The following CALN1 variants were observed in gnomAD, a reference collection of about 807,000 sequenced individuals.
The protein encoded by CALN1 is calcium-binding protein 8.
A neutral mutation model predicts 30.6 loss-of-function variants in CALN1; 17 were observed. The observed-to-expected ratio is 0.56, with a 90% CI of 0.38 to 0.83. The LOEUF is 0.83. Among genes scored for constraint, CALN1 ranks in the 40% least tolerant of loss-of-function variants. The pLI, the probability that CALN1 is intolerant of heterozygous loss-of-function variation, is 0.00. For synonymous variants in CALN1, 156 were observed against 131.4 expected (o/e 1.19, Z -1.28); for missense variants, 291 against 354.9 (o/e 0.82, Z 1.45).
intron 4 of CALN1, among the ~76,000 whole-genome samples, chr7:72,038,272 C>T (rs1036920592): frequency 1.3e-5 from 2 of 152,164 alleles, no homozygotes; most frequent in South Asian, 2.1e-4. Flanking sequence ...TACCCCACCC[C>T]CAAAGCTTCT....
intron 3 of CALN1, among the ~76,000 whole-genome samples, chr7:72,177,752 G>GGGAA (rs397729652): frequency 1.5e-5 from 2 of 132,152 alleles, no homozygotes; most frequent in Admixed American, 8.0e-5. Flanking sequence ...GCGACAGAGG[G>GGGAA]AAAAAAAAAA....
intron 2 of CALN1, among the ~76,000 whole-genome samples, chr7:72,298,831 G>A (rs1335887690): frequency 6.6e-6 from 1 of 150,448 alleles, no homozygotes; most frequent in African/African-American, 2.4e-5. Context: ...GGGGAGGGGT[G>A]CGGAGTTTCC....
chr7:72,197,621 G>T (rs900002061), intron 3 of CALN1, among the ~76,000 whole-genome samples: 2 of 152,114 alleles, frequency 1.3e-5, no homozygotes, highest in Admixed American at 6.6e-5. Context: ...CTTGAAGCCA[G>T]GAGTTCAAGA....
intron 3 of CALN1, among the ~76,000 whole-genome samples, chr7:72,205,551 A>AAAAATATACATATATATATATAT: frequency 7.2e-5 from 6 of 83,036 alleles, no homozygotes; most frequent in Middle Eastern, 5.2e-3. Context: ...GCAAAAAAAA[A>AAAAATATACATATATATATATAT]ATATATATAT....
At chr7:72,448,352 G>T (rs937519929), upstream of CALN1, among the ~76,000 whole-genome samples, 2 of 152,136 alleles carry the variant, frequency 1.3e-5, no homozygotes, top group African/African-American at 4.8e-5. Flanking sequence ...TGGCATCTCC[G>T]GCTGCCTTTG....
the CALN1 span, among the ~76,000 whole-genome samples, chr7:72,453,255 T>C: frequency 6.6e-6 from 1 of 152,214 alleles, no homozygotes; most frequent in Non-Finnish European, 1.5e-5. Flanking sequence ...GAAGGGGCAG[T>C]GTTATAGCTC....
At chr7:72,170,841 G>A (rs1197956919) in intron 3 of CALN1, among the ~76,000 whole-genome samples, 1 of 152,150 alleles carries the variant, frequency 6.6e-6, no homozygotes, top group Non-Finnish European at 1.5e-5. Context: ...CTTTTAAACA[G>A]GATGCTGAAC....
chr7:72,422,594 C>T (rs563339900), intron 1 of CALN1, among the ~76,000 whole-genome samples: 2 of 152,326 alleles, frequency 1.3e-5, no homozygotes, highest in East Asian at 1.9e-4. Flanking sequence ...TCCGCAAGTG[C>T]TTCCAGCTGA....
chr7:72,412,749 C>T (rs1196312478), upstream of CALN1, among the ~76,000 whole-genome samples: 1 of 152,204 alleles, frequency 6.6e-6, no homozygotes, highest in Non-Finnish European at 1.5e-5. Flanking sequence ...AAGCCCTTGT[C>T]AAAGTCCCTT....
At chr7:72,022,716 G>A (rs17428098) in intron 5 of CALN1, among the ~76,000 whole-genome samples, 9,336 of 152,086 alleles carry the variant, frequency 0.061, 299 homozygotes, top group Non-Finnish European at 0.075. Context: ...TTGTGAAATA[G>A]CTAGGTCTGA....
chr7:71,803,632 A>G (rs887228131), intron 6 of CALN1, among the ~76,000 whole-genome samples: 2 of 151,734 alleles, frequency 1.3e-5, no homozygotes, highest in Non-Finnish European at 2.9e-5. Context: ...CTGCCACCAC[A>G]CCCAGCTAAT....
At chr7:72,504,197 G>A in the CALN1 span, among the ~76,000 whole-genome samples, 3 of 152,122 alleles carry the variant, frequency 2.0e-5, no homozygotes, top group Non-Finnish European at 4.4e-5. Context: ...TGCTGTGCCC[G>A]GCTTCATAGG....
chr7:72,423,117 A>G (rs941810747), intron 1 of CALN1, among the ~76,000 whole-genome samples: 5 of 152,018 alleles, frequency 3.3e-5, no homozygotes, highest in East Asian at 1.9e-4. Flanking sequence ...TCAAAAAAAA[A>G]AAAAAGAAAA....
At chr7:72,071,714 C>T (rs945051564) in intron 4 of CALN1, among the ~76,000 whole-genome samples, 8 of 152,144 alleles carry the variant, frequency 5.3e-5, no homozygotes, top group African/African-American at 7.2e-5. Context: ...TCTAACAAAA[C>T]GTCACAAGAC....
At chr7:71,806,283 CACAT>C (rs1455441916) in intron 6 of CALN1, among the ~76,000 whole-genome samples, 2 of 151,202 alleles carry the variant, frequency 1.3e-5, no homozygotes, top group Non-Finnish European at 2.9e-5. Context: ...CACACACACA[CACAT>C]GATTATAGTT....
chr7:72,048,398 C>T (rs903984361), intron 4 of CALN1, among the ~76,000 whole-genome samples: 3 of 151,948 alleles, frequency 2.0e-5, no homozygotes, highest in Non-Finnish European at 4.4e-5. Flanking sequence ...ATAAGGGCCG[C>T]CATGTGTGAG....
intron 5 of CALN1, among the ~76,000 whole-genome samples, chr7:71,965,140 G>C (rs1797468816): frequency 6.6e-6 from 1 of 152,020 alleles, no homozygotes; most frequent in Non-Finnish European, 1.5e-5. Flanking sequence ...TCATCCTCCT[G>C]CCTCCACCTT....
intron 3 of CALN1, among the ~76,000 whole-genome samples, chr7:72,271,943 T>A (rs1330227395): frequency 6.6e-6 from 1 of 151,076 alleles, no homozygotes; most frequent in Non-Finnish European, 1.5e-5. Context: ...GCACCTGTAA[T>A]CCCAGCTACT....
At chr7:72,415,063 C>T (rs1171028463), upstream of CALN1, among the ~76,000 whole-genome samples, 1 of 152,258 alleles carries the variant, frequency 6.6e-6, no homozygotes, top group Non-Finnish European at 1.5e-5. Flanking sequence ...GTCTGCAAGC[C>T]AGGAAAGGAG....
Sources: gnomAD v4.1 joint callset for allele counts (sites outside exome capture counted in the v4.1 genomes callset) on GRCh38, gnomAD v4.1.1 for gene constraint, MANE v1.5 for transcripts, NCBI Gene and HGNC (gene_info 2026-07-23, HGNC 2026-07-21) for gene names.